Variants in TGM1 observed in about 807,000 individuals in gnomAD.
The protein encoded by TGM1 is protein-glutamine gamma-glutamyltransferase K.
TGM1 carries 63 observed loss-of-function variants against 88.7 expected under a neutral mutation model. The ratio of observed to expected loss-of-function variants is 0.71; its 90% CI spans 0.58 to 0.88. The LOEUF (loss-of-function observed/expected upper bound fraction) is 0.88, where lower values mean the gene tolerates loss of function less well. TGM1 is among the 40% of genes least tolerant of loss of function. The pLI, the probability that TGM1 is intolerant of heterozygous loss-of-function variation, is 0.00. For synonymous variants in TGM1, 415 were observed against 431.1 expected, an observed-to-expected ratio of 0.96 and a Z score of 0.46; for missense variants, 996 against 1,118.0, an observed-to-expected ratio of 0.89 and a Z score of 1.56.
intron 14 of TGM1, among the ~76,000 whole-genome samples, chr14:24,253,035 A>C (rs984756014): frequency 1.3e-5 from 2 of 152,214 alleles, no homozygotes; most frequent in Non-Finnish European, 2.9e-5. Context: ...GGGCTGGGTA[A>C]GGGCCTGAGG....
intron 14 of TGM1, among the ~76,000 whole-genome samples, chr14:24,249,995 A>G (rs546021101): frequency 6.6e-6 from 1 of 152,234 alleles, no homozygotes; most frequent in Non-Finnish European, 1.5e-5. Context: ...GTTGAAGAAA[A>G]GTAATCACTC....
intron 14 of TGM1, 94 bp from the exon 15 acceptor site, chr14:24,249,635 G>T: frequency 9.0e-7 from 1 of 1,113,102 alleles, no homozygotes; most frequent in Non-Finnish European, 1.3e-6. Context: ...AGAAGCAGGA[G>T]GTGGACCCAT....
At position 24,261,766 on chromosome 14, in the gene TGM1, G is replaced by C. The variant is rs749167940; in HGVS notation, c.437C>G (p.Pro146Arg). The C allele has an allele frequency of 6.2e-7, 1 of 1,614,154 alleles. No individual in the cohort carries two copies. Among genetic ancestry groups the C allele is most frequent in the Non-Finnish European group, 8.5e-7 (1 of 1,180,030 alleles). The change falls in exon 3 of 15, where the codon CCT becomes CGT. Residue 146 changes from proline to arginine, a missense_variant. Physicochemically the swap from Pro to Arg is moderately radical, Grantham distance 103. Coordinates refer to ENST00000206765, the MANE Select transcript of TGM1 (RefSeq NM_000359.3). ...YDELIVRRGQ[P>R]FHMLLLLSRT... ...GGACAGGAGGAGGAGCATATGGAAA[G>C]GCTGCCCGCGGCGCACTATCAGCTC...
At chr14:24,262,423 T>A in intron 1 of TGM1, 69 bp from the exon 2 acceptor site, 1 of 1,526,366 alleles carries the variant, frequency 6.6e-7, no homozygotes. Flanking sequence ...AAACCCTCCA[T>A]CCAGACAGCT....
intron 14 of TGM1, among the ~76,000 whole-genome samples, chr14:24,250,152 G>C (rs1029952777): frequency 1.3e-3 from 41 of 32,556 alleles, no homozygotes; most frequent in African/African-American, 5.7e-3. Context: ...ATGTCTCTGT[G>C]TGTGTGTGTG....
rs139837741 is a variant in TGM1, at chr14:24,254,818, C to T, written c.1934G>A (p.Arg645His). Residue 645 changes from arginine (R) to histidine (H), a missense_variant, in exon 13 of 15, where the codon CGT becomes CAT. Coordinates refer to ENST00000206765, the MANE Select transcript of TGM1 (RefSeq NM_000359.3). ...CTTGTAGGCCACTGGCATGGTCACA[C>T]GGTCCGCTGTGGAGAAGAGGCATGG... ...EVELAPGASDRVTMPVAYKEY... is the reference protein window; with the variant it reads ...EVELAPGASDHVTMPVAYKEY... 48 of 1,613,806 alleles carry T rather than the reference C, an allele frequency of 3.0e-5. No individual in the cohort carries two copies. The highest frequency in any genetic ancestry group is 8.9e-5 in the East Asian group (4 of 44,886).
chr14:24,258,624 G>A lies in TGM1; in HGVS notation c.1209C>T (p.Ser403=), dbSNP rs1223911289. 9 of 1,614,096 alleles carry A rather than the reference G, an allele frequency of 5.6e-6. No homozygotes were observed. Among genetic ancestry groups the A allele is most frequent in the African/African-American group, 4.0e-5 (3 of 74,926 alleles). ...TAAGGGATGTGTCTGTGTCGTGGGC[G>A]GAGTTGAAGTTGGTGACAGTACGGG... ...LATRTVTNFN[S]AHDTDTSLTM... Residue 403 remains serine, a synonymous_variant, in exon 8 of 15, where the codon TCC becomes TCT. Transcript: ENST00000206765.
At position 24,259,113 on chromosome 14, in the gene TGM1, T is replaced by A; in HGVS notation, c.1121A>T (p.Tyr374Phe). 1 of 1,614,130 alleles carries A rather than the reference T, an allele frequency of 6.2e-7. No homozygotes were observed. The highest frequency in any genetic ancestry group is 8.5e-7 in the Non-Finnish European group (1 of 1,180,016). The change falls in exon 7 of 15, where the codon TAT becomes TTT. Residue 374 changes from tyrosine (Y) to phenylalanine (F), a missense_variant. By Grantham distance (22) the Tyr-to-Phe change is conservative (BLOSUM62 3). Coordinates refer to ENST00000206765, the MANE Select transcript of TGM1 (RefSeq NM_000359.3). The surrounding 1 kb of genome is among the most constrained non-coding windows in gnomAD (Gnocchi z 5.7). ...SYLRTGYSVP[Y>F]GQCWVFAGVT... Reference sequence around the variant, plus strand: ...GCCAGCAAAGACCCAGCACTGGCCATAGGGGACGGAATATCCCGTGCGTAG... The same window carrying A: ...GCCAGCAAAGACCCAGCACTGGCCAAAGGGGACGGAATATCCCGTGCGTAG...
Position 24,254,141 on chromosome 14 carries a change from G to C in TGM1, c.2225+11C>G, listed in dbSNP as rs776338963. On this transcript the variant is annotated intron_variant, in intron 14 of 14. Coordinates refer to ENST00000206765, the MANE Select transcript of TGM1 (RefSeq NM_000359.3). ...AGTGGAAGCAGGGGTAGGGGGAGAG[G>C]CCAGACTCACCCAACGTTGAGGATC... 6.2e-7 allele frequency: 1 copy of C among 1,607,206 alleles called. No individual in the cohort carries two copies. Among genetic ancestry groups the C allele is most frequent in the Admixed American group, 1.7e-5 (1 of 58,828 alleles).
chr14:24,257,300 C>G (rs1432417868), intron 9 of TGM1, among the ~76,000 whole-genome samples: 1 of 152,086 alleles, frequency 6.6e-6, no homozygotes, highest in Non-Finnish European at 1.5e-5. Flanking sequence ...GCTGGCAGGG[C>G]AGGCCTGGTG....
chr14:24,253,880 G>A (rs1484940609), intron 14 of TGM1, among the ~76,000 whole-genome samples: 2 of 152,230 alleles, frequency 1.3e-5, no homozygotes, highest in African/African-American at 2.4e-5. Context: ...TTAGCAATGA[G>A]TTACTAATGA....
chr14:24,258,648 G>A lies in TGM1; in HGVS notation c.1185C>T (p.Thr395=), dbSNP rs1264373562. 1 of 1,614,104 alleles carries A rather than the reference G, an allele frequency of 6.2e-7. No individual in the cohort carries two copies. The highest frequency in any genetic ancestry group is 8.5e-7 in the Non-Finnish European group (1 of 1,180,046). The change falls in exon 8 of 15, where the codon ACC becomes ACT. Residue 395 remains threonine, a synonymous_variant. Transcript: ENST00000206765. ...TTVLRCLGLA[T]RTVTNFNSAH... is the part of the protein sequence containing the mutation. ...CGGAGTTGAAGTTGGTGACAGTACG[G>A]GTGGCCAGACCCAGGCAGCGCAGCA...
chr14:24,261,967 C>T (rs1439604231), intron 2 of TGM1, 67 bp downstream of exon 2: 2 of 1,610,114 alleles, frequency 1.2e-6, no homozygotes, highest in African/African-American at 2.7e-5. Context: ...CCCAGAAATG[C>T]CAGGCTGAGT....
At chr14:24,254,310 C>T (rs2855010) in intron 13 of TGM1, 22 bp from the exon 14 acceptor site, 1 of 1,613,904 alleles carries the variant, frequency 6.2e-7, no homozygotes, top group Non-Finnish European at 8.5e-7. Context: ...AGAGGCCCAT[C>T]CCCCACGTCA....
Position 24,261,686 on chromosome 14 carries a change from C to T in TGM1, c.508+9G>A. The T allele has an allele frequency of 6.2e-7, 1 of 1,614,042 alleles. No homozygotes were observed. The highest frequency in any genetic ancestry group is 8.5e-7 in the Non-Finnish European group (1 of 1,179,950). On this transcript the variant is annotated intron_variant, in intron 3 of 14. Coordinates refer to ENST00000206765, the MANE Select transcript of TGM1 (RefSeq NM_000359.3). ...GGCCTTCACCCGTCCCAATCCAAGC[C>T]CCACTGACCGATGAGTAACTCAAGG... is the stretch of plus-strand genomic sequence containing the variant.
Position 24,249,437 on chromosome 14 carries a change from TG to T in TGM1, c.2329del (p.Gln777ArgfsTer29). 1 of 1,614,004 alleles carries T rather than the reference TG, an allele frequency of 6.2e-7. No homozygotes were observed. Among genetic ancestry groups the T allele is most frequent in the Non-Finnish European group, 8.5e-7 (1 of 1,179,996 alleles). ...IASLDSPQLS[Q>X]VHGVIQVDVA... ...ATCCACCTGGATGACACCGTGCACC[TG>T]GGAGAGCTGTGGGCTGTCCAAGCTG... On this transcript the variant is annotated frameshift_variant, in exon 15 of 15. Transcript: ENST00000206765. LOFTEE classifies it high-confidence loss of function.
Position 24,261,685 on chromosome 14 carries a change from C to T in TGM1, c.508+10G>A. 6.2e-7 allele frequency: 1 copy of T among 1,614,056 alleles called. No homozygotes were observed. Among genetic ancestry groups the T allele is most frequent in the Non-Finnish European group, 8.5e-7 (1 of 1,179,960 alleles). On this transcript the variant is annotated intron_variant, in intron 3 of 14. Transcript: ENST00000206765. ...GGGCCTTCACCCGTCCCAATCCAAG[C>T]CCCACTGACCGATGAGTAACTCAAG...
intron 3 of TGM1, among the ~76,000 whole-genome samples, chr14:24,261,226 G>T (rs925855913): frequency 1.3e-5 from 2 of 152,208 alleles, no homozygotes; most frequent in African/African-American, 4.8e-5. Flanking sequence ...TCACCAGCCT[G>T]AGAAGTCAAG....
At position 24,256,059 on chromosome 14, in the gene TGM1, G is replaced by A. The variant is rs1206128091; in HGVS notation, c.1421C>T (p.Pro474Leu). ...ETSSGIFCCG[P>L]CSVESIKNGL... ...ATTCTTGATGGACTCCACAGAGCAGGGGCCGCAGCAGAAGATGCCTAGAGA... is the reference window on the plus strand; with the variant it reads ...ATTCTTGATGGACTCCACAGAGCAGAGGCCGCAGCAGAAGATGCCTAGAGA... Residue 474 changes from proline to leucine, a missense_variant, in exon 10 of 15, where the codon CCC becomes CTC. Coordinates refer to ENST00000206765, the MANE Select transcript of TGM1 (RefSeq NM_000359.3). 4 of 1,568,490 alleles carry A rather than the reference G, an allele frequency of 2.6e-6. No individual in the cohort carries two copies. The highest frequency in any genetic ancestry group is 1.2e-5 in the South Asian group (1 of 85,392).
Sources: allele counts gnomAD v4.1 joint callset (sites outside exome capture counted in the v4.1 genomes callset), GRCh38; gene constraint gnomAD v4.1.1; non-coding constraint Gnocchi (gnomAD v3.1); transcripts MANE v1.5; gene names NCBI Gene and HGNC (gene_info 2026-07-23, HGNC 2026-07-21).